Variants in VWA2 observed in about 807,000 individuals in gnomAD.
VWA2 encodes von Willebrand factor A domain containing 2.
Under a neutral mutation model 70.4 loss-of-function variants are expected in VWA2, and 73 were observed. That is an observed-to-expected ratio of 1.04 (90% CI 0.86 to 1.26). The LOEUF is 1.26. VWA2 is among the 50% of genes most tolerant of loss of function. The pLI is 0.00. For missense variants in VWA2, 1,011 were observed against 998.5 expected, an observed-to-expected ratio of 1.01 and a Z score of -0.17; for synonymous variants, 407 against 423.3, an observed-to-expected ratio of 0.96 and a Z score of 0.47.
At chr10:114,281,200 T>C (rs2038083661) in intron 8 of VWA2, 1 of 152,250 alleles carries the variant, frequency 6.6e-6, no homozygotes, top group African/African-American at 2.4e-5. Flanking sequence ...TGGAGAACTT[T>C]AGGGAATGTT....
intron 5 of VWA2, among the ~76,000 whole-genome samples, chr10:114,262,684 T>G (rs1204126548): frequency 2.0e-5 from 3 of 152,218 alleles, no homozygotes; most frequent in Non-Finnish European, 4.4e-5. Flanking sequence ...CTGGGAGCCC[T>G]GCAGGCCTCA....
At chr10:114,273,008 A>T in intron 6 of VWA2, 74 bp downstream of exon 6, 1 of 1,387,104 alleles carries the variant, frequency 7.2e-7, no homozygotes, top group Non-Finnish European at 9.8e-7. Flanking sequence ...ATGGGAGGGA[A>T]GGGAGGGGAC....
intron 1 of VWA2, among the ~76,000 whole-genome samples, chr10:114,245,879 A>G (rs759921566): frequency 1.2e-4 from 18 of 152,178 alleles, no homozygotes; most frequent in Non-Finnish European, 2.2e-4. Context: ...GTTTTATAAT[A>G]GTTTGTTTTA....
chr10:114,281,569 G>T, intron 8 of VWA2: 1 of 197,164 alleles, frequency 5.1e-6, no homozygotes, highest in Non-Finnish European at 9.2e-6. Flanking sequence ...TGGCTGCTGT[G>T]TTATCACAGA....
intron 2 of VWA2, 39 bp downstream of exon 2, chr10:114,248,804 G>C: frequency 6.3e-7 from 1 of 1,582,026 alleles, no homozygotes. Context: ...GTACTGGCGT[G>C]TTGAGTAGGG....
chr10:114,289,603 T>C, intron 12 of VWA2, 114 bp downstream of exon 12: 1 of 1,226,500 alleles, frequency 8.2e-7, no homozygotes, highest in Non-Finnish European at 1.2e-6. Context: ...AGCACTTGCT[T>C]CCCAAGTGCC....
At chr10:114,251,741 C>T (rs548036907) in intron 2 of VWA2, among the ~76,000 whole-genome samples, 9 of 151,716 alleles carry the variant, frequency 5.9e-5, no homozygotes, top group East Asian at 1.9e-4. Flanking sequence ...GGAACAGAAC[C>T]GCATTATGGG....
At chr10:114,281,012 G>A (rs772831130) in intron 8 of VWA2, 1 of 152,252 alleles carries the variant, frequency 6.6e-6, no homozygotes, top group Non-Finnish European at 1.5e-5. Flanking sequence ...TGGGATTACA[G>A]GCGTGAGCTA....
intron 1 of VWA2, among the ~76,000 whole-genome samples, chr10:114,244,316 C>T (rs1373408713): frequency 3.3e-5 from 5 of 152,220 alleles, no homozygotes; most frequent in Admixed American, 3.3e-4. Context: ...CAGAGTGTCA[C>T]CTCTTACCGG....
chr10:114,260,946 G>A (rs1399115934), intron 4 of VWA2, among the ~76,000 whole-genome samples: 3 of 152,202 alleles, frequency 2.0e-5, no homozygotes, highest in African/African-American at 7.2e-5. Context: ...CAGTAGGTAA[G>A]TCAAGAAGAT....
At chr10:114,274,570 G>A (rs2037782153) in intron 6 of VWA2, among the ~76,000 whole-genome samples, 1 of 152,164 alleles carries the variant, frequency 6.6e-6, no homozygotes, top group African/African-American at 2.4e-5. Flanking sequence ...CGCCTCCTGG[G>A]TTCAAGCGAT....
At chr10:114,281,334 G>A (rs1218267790) in intron 8 of VWA2, 3 of 152,316 alleles carry the variant, frequency 2.0e-5, no homozygotes, top group Non-Finnish European at 4.4e-5. Flanking sequence ...TGGCCCCGGA[G>A]ACGCAGGAGA....
At position 114,291,407 on chromosome 10, in the gene VWA2, T is replaced by G. The variant is rs2039588100; in HGVS notation, c.*170T>G. ...CACTATTCTCACTGAGGGAGGAGGA[T>G]GTCCCAACTGCAGCCATGCTGCTTA... On this transcript the variant is annotated 3_prime_UTR_variant, in exon 14 of 14. Transcript: ENST00000392982. 1 of 712,134 alleles carries G rather than the reference T, an allele frequency of 1.4e-6. No individual in the cohort carries two copies. Among genetic ancestry groups the G allele is most frequent in the Non-Finnish European group, 2.2e-6 (1 of 450,300 alleles). 44.1% of individuals were successfully genotyped at this position (712,134 alleles called of 1,614,324 possible).
intron 5 of VWA2, among the ~76,000 whole-genome samples, chr10:114,268,960 G>A (rs1010255890): frequency 6.6e-6 from 1 of 151,914 alleles, no homozygotes; most frequent in Non-Finnish European, 1.5e-5. Flanking sequence ...CTTCCAAAGT[G>A]CTGGGCCTTC....
chr10:114,246,848 G>T, intron 1 of VWA2: 1 of 760,864 alleles, frequency 1.3e-6, no homozygotes. Flanking sequence ...TTGTTTTACT[G>T]AGCACCTGGC....
rs551686432 is a variant in VWA2 at position 114,290,332 on chromosome 10, C to T, written c.2215C>T (p.Arg739Trp). The stretch of plus-strand genomic sequence containing the variant: ...GAATGGGAGCTACCGCTGCAAGTGT[C>T]GGGATGGCTGGGAGGGCCCCCACTG... ...LQNGSYRCKC[R>W]DGWEGPHCEN... is the part of the protein sequence containing the mutation. The change falls in exon 13 of 14, where the codon CGG (arginine) becomes TGG (tryptophan). Residue 739 changes from arginine to tryptophan, a missense_variant. Transcript: ENST00000392982. 4.3e-5 allele frequency: 67 copies of T among 1,550,572 alleles called. No individual in the cohort carries two copies. Among genetic ancestry groups the T allele is most frequent in the Non-Finnish European group, 5.6e-5 (64 of 1,146,972 alleles).
Position 114,286,531 on chromosome 10 carries a change from C to T in VWA2, c.1570+20C>T, listed in dbSNP as rs765531584. The T allele has an allele frequency of 6.6e-7, 1 of 1,524,938 alleles. No homozygotes were observed. The highest frequency in any genetic ancestry group is 2.0e-5 in the Admixed American group (1 of 50,940). 94.5% of individuals were successfully genotyped at this position (1,524,938 alleles called of 1,614,324 possible). A position where few individuals can be genotyped will look rare whatever the true frequency, so the allele number is the denominator to read the frequency against. ...GGCCAGGTAAGGTCCCAGTGCCTGA[C>T]CCAGGACCGCTGGTCAGTGGGCGGG... On this transcript the variant is annotated intron_variant, in intron 11 of 13. Coordinates refer to ENST00000392982, the MANE Select transcript of VWA2 (RefSeq NM_001272046.2).
chr10:114,286,470 T>C lies in VWA2; in HGVS notation c.1529T>C (p.Ile510Thr). ...GATCCTCAGGATCTGTTCAACCAAATCCCTGAGCTGCAGGGGAAGCTGTGC... is the reference window on the plus strand; with the variant it reads ...GATCCTCAGGATCTGTTCAACCAAACCCCTGAGCTGCAGGGGAAGCTGTGC... Reference protein sequence around the residue: ...YSDPQDLFNQIPELQGKLCSR... With the variant: ...YSDPQDLFNQTPELQGKLCSR... The change falls in exon 11 of 14, where the codon ATC becomes ACC. Residue 510 changes from isoleucine (I) to threonine (T), a missense_variant. By Grantham distance (89) the Ile-to-Thr change is moderately conservative. Coordinates refer to ENST00000392982, the MANE Select transcript of VWA2 (RefSeq NM_001272046.2). The C allele has an allele frequency of 6.3e-7, 1 of 1,597,078 alleles. No homozygotes were observed.
In VWA2 at chr10:114,253,650, G is replaced by C; in HGVS notation, c.53-1G>C. 6.2e-7 allele frequency: 1 copy of C among 1,611,532 alleles called. No homozygotes were observed. Among genetic ancestry groups the C allele is most frequent in the Non-Finnish European group, 8.5e-7 (1 of 1,179,494 alleles). On this transcript the variant is annotated splice_acceptor_variant, in intron 2 of 13. Transcript: ENST00000392982. LOFTEE classifies it high-confidence loss of function. ...GCTGCTTCTGGTGTTTTCTCTCCTA[G>C]TGCCCCCATCTCTCCCTCTCCAGGA... is the stretch of plus-strand genomic sequence containing the variant.
Sources: allele counts gnomAD v4.1 joint callset (sites outside exome capture counted in the v4.1 genomes callset), GRCh38; gene constraint gnomAD v4.1.1; transcripts MANE v1.5; gene names NCBI Gene and HGNC (gene_info 2026-07-23, HGNC 2026-07-21).